PAK5: variants seen among roughly 807,000 people sequenced by gnomAD.
The protein encoded by PAK5 is serine/threonine-protein kinase PAK 5.
PAK5 carries 16 observed loss-of-function variants against 65.9 expected under a neutral mutation model. The ratio of observed to expected loss-of-function variants is 0.24; its 90% confidence interval spans 0.16 to 0.37. PAK5 has a LOEUF of 0.37. Ranked by LOEUF, PAK5 falls within the 10% of genes least tolerant of loss-of-function variation. The probability of loss-of-function intolerance (pLI) is 1.00; values close to 1 mark genes in which losing one functional copy is unlikely to be tolerated. For synonymous variants in PAK5, 371 were observed against 354.9 expected (o/e 1.05, Z -0.51); for missense variants, 785 against 903.9 (o/e 0.87, Z 1.69).
rs1329513863 is a variant in PAK5, at chr20:9,784,190, T to C, written c.-162+54572A>G. Among the ~76,000 whole-genome samples the C allele has an allele frequency of 2.0e-5, 3 of 152,338 alleles. No individual in the cohort carries two copies. In the East Asian group the frequency reaches 5.8e-4, roughly 29 times the overall value. On this transcript the variant is annotated intron_variant, in intron 1 of 9. Transcript: ENST00000353224. ...CTATTCTTGATGCTCTGTTTGTACT[T>C]CTACAATATTATGAGGGAACTTGTT...
intron 1 of PAK5, among the ~76,000 whole-genome samples, chr20:9,749,572 T>C (rs913612924): frequency 3.9e-5 from 6 of 152,190 alleles, no homozygotes; most frequent in African/African-American, 1.2e-4. Context: ...AAATGCTTGT[T>C]TTGAAATGAA....
intron 3 of PAK5, among the ~76,000 whole-genome samples, chr20:9,587,733 T>C (rs1295677191): frequency 6.6e-6 from 1 of 152,094 alleles, no homozygotes; most frequent in Non-Finnish European, 1.5e-5. Context: ...AGGATGATGG[T>C]CGGAGGGTTA....
chr20:9,555,530 C>T lies in PAK5; in HGVS notation c.1743+2078G>A, dbSNP rs112907331. ...TCTGCTAGACCAGTTTAATGCTTTG[C>T]AAATTGCATTCTGACACCGTGGAGC... is the stretch of plus-strand genomic sequence containing the variant. On this transcript the variant is annotated intron_variant, in intron 7 of 9. Coordinates refer to ENST00000353224, the MANE Select transcript of PAK5 (RefSeq NM_177990.4). 4.4e-3 allele frequency among the ~76,000 whole-genome samples: 666 copies of T among 152,292 alleles called. 6 individuals carry two copies. Among genetic ancestry groups the T allele is most frequent in the African/African-American group, 0.015 (635 of 41,570 alleles).
chr20:9,639,968 G>C (rs1219408694), intron 3 of PAK5, among the ~76,000 whole-genome samples: 1 of 152,162 alleles, frequency 6.6e-6, no homozygotes, highest in Non-Finnish European at 1.5e-5. Context: ...GAAAAACCGT[G>C]GTGAAGTAAA....
At chr20:9,725,603 T>C (rs2048267512) in intron 1 of PAK5, among the ~76,000 whole-genome samples, 1 of 152,174 alleles carries the variant, frequency 6.6e-6, no homozygotes, top group South Asian at 2.1e-4. Flanking sequence ...TTGGTTCTTA[T>C]TCGATAAATT....
At chr20:9,732,973 T>TTA (rs2048349959) in intron 1 of PAK5, among the ~76,000 whole-genome samples, 2 of 152,208 alleles carry the variant, frequency 1.3e-5, no homozygotes, top group African/African-American at 4.8e-5. Flanking sequence ...ACCAATACTG[T>TTA]TGGAACTAGC....
chr20:9,787,456 T>C (rs1450102899), intron 1 of PAK5, among the ~76,000 whole-genome samples: 1 of 152,164 alleles, frequency 6.6e-6, no homozygotes, highest in Non-Finnish European at 1.5e-5. Context: ...CCAATACAGC[T>C]TCAGTCATCC....
At chr20:9,703,934 T>C (rs2047972503) in intron 2 of PAK5, among the ~76,000 whole-genome samples, 1 of 152,124 alleles carries the variant, frequency 6.6e-6, no homozygotes, top group African/African-American at 2.4e-5. Context: ...AATTATCTCA[T>C]AAGGCACCTG....
chr20:9,754,308 G>C (rs2048608916), intron 1 of PAK5, among the ~76,000 whole-genome samples: 1 of 152,106 alleles, frequency 6.6e-6, no homozygotes. Context: ...CCAGAATTTG[G>C]AGACTGGGGT....
intron 4 of PAK5, chr20:9,577,247 C>A (rs2045900924): frequency 6.9e-6 from 1 of 144,316 alleles, no homozygotes; most frequent in Admixed American, 6.9e-5. Context: ...CCAACATCAA[C>A]AAACTCATAA....
At chr20:9,582,656 G>A (rs992564745) in intron 3 of PAK5, among the ~76,000 whole-genome samples, 1 of 152,030 alleles carries the variant, frequency 6.6e-6, no homozygotes, top group African/African-American at 2.4e-5. Context: ...CAAGGGTCAG[G>A]GATTTAAGCT....
At chr20:9,584,873 C>T (rs1341131799) in intron 3 of PAK5, among the ~76,000 whole-genome samples, 1 of 152,198 alleles carries the variant, frequency 6.6e-6, no homozygotes, top group African/African-American at 2.4e-5. Context: ...AACAAAATGT[C>T]ATCAGGAATT....
intron 3 of PAK5, among the ~76,000 whole-genome samples, chr20:9,643,468 A>T (rs952828371): frequency 2.6e-5 from 4 of 152,196 alleles, no homozygotes; most frequent in Admixed American, 1.3e-4. Flanking sequence ...CTAGTTACAT[A>T]TTTAAGATAA....
intron 2 of PAK5, among the ~76,000 whole-genome samples, chr20:9,652,990 T>G (rs755628490): frequency 5.9e-5 from 9 of 152,214 alleles, no homozygotes; most frequent in Non-Finnish European, 1.0e-4. Context: ...TATACATCCA[T>G]CTGAACTGCA....
intron 2 of PAK5, among the ~76,000 whole-genome samples, chr20:9,652,013 T>C (rs1461938612): frequency 1.3e-5 from 2 of 152,242 alleles, no homozygotes; most frequent in Non-Finnish European, 2.9e-5. Context: ...AACGTACCTC[T>C]TAAGAGTGAG....
chr20:9,784,328 T>A (rs559632552), intron 1 of PAK5: 19 of 152,260 alleles, frequency 1.2e-4, no homozygotes, highest in African/African-American at 4.6e-4. Context: ...TGAATATATA[T>A]ATTTGAATAA....
At chr20:9,745,508 A>T (rs191852195) in intron 1 of PAK5, among the ~76,000 whole-genome samples, 3 of 152,224 alleles carry the variant, frequency 2.0e-5, no homozygotes, top group South Asian at 2.1e-4. Context: ...CCTATAACTC[A>T]TCTTGGCTAA....
At chr20:9,584,208 G>A (rs1207979761) in intron 3 of PAK5, among the ~76,000 whole-genome samples, 1 of 152,214 alleles carries the variant, frequency 6.6e-6, no homozygotes, top group Non-Finnish European at 1.5e-5. Context: ...CTTGGCAGAG[G>A]AAAGATGAAA....
intron 1 of PAK5, among the ~76,000 whole-genome samples, chr20:9,797,468 G>T (rs1250996426): frequency 1.6e-4 from 23 of 145,034 alleles, no homozygotes; most frequent in African/African-American, 5.9e-4. Context: ...GACACAGGAA[G>T]GGGAACATCA....
Sources: gnomAD v4.1 joint callset for allele counts (sites outside exome capture counted in the v4.1 genomes callset) on GRCh38, gnomAD v4.1.1 for gene constraint, MANE v1.5 for transcripts, NCBI Gene and HGNC (gene_info 2026-07-23, HGNC 2026-07-21) for gene names.